Variants in SUPT3H observed in about 807,000 individuals in gnomAD.
SUPT3H encodes the protein transcription initiation protein SPT3 homolog.
In SUPT3H, 44 loss-of-function variants were observed where a neutral mutation model predicts 44.3. The observed-to-expected ratio is 0.99, with a 90% CI of 0.78 to 1.28. SUPT3H has a LOEUF of 1.28. Among genes scored for constraint, SUPT3H ranks in the 50% most tolerant of loss-of-function variants. SUPT3H has a pLI of 0.00. For synonymous variants in SUPT3H, 124 were observed against 125.6 expected, an observed-to-expected ratio of 0.99 and a Z score of 0.09; for missense variants, 380 against 387.1, an observed-to-expected ratio of 0.98 and a Z score of 0.15.
intron 2 of SUPT3H, among the ~76,000 whole-genome samples, chr6:45,143,961 T>A (rs963256384): frequency 2.2e-4 from 34 of 152,090 alleles, no homozygotes; most frequent in African/African-American, 7.9e-4. Context: ...CGGAAAAATT[T>A]CTAGAAATTT....
chr6:45,285,335 T>C (rs1779027552), intron 2 of SUPT3H, among the ~76,000 whole-genome samples: 1 of 152,210 alleles, frequency 6.6e-6, no homozygotes, highest in African/African-American at 2.4e-5. Flanking sequence ...ATTGTATATC[T>C]AGAAAACCCC....
chr6:44,879,732 C>A (rs1777909300), intron 10 of SUPT3H, among the ~76,000 whole-genome samples: 1 of 152,186 alleles, frequency 6.6e-6, no homozygotes, highest in African/African-American at 2.4e-5. Context: ...GAGGAAGGAA[C>A]AGGCAGCAAT....
intron 2 of SUPT3H, among the ~76,000 whole-genome samples, chr6:45,338,918 T>C (rs968912936): frequency 3.3e-5 from 5 of 152,136 alleles, no homozygotes; most frequent in Non-Finnish European, 7.4e-5. Flanking sequence ...CTCATACAAA[T>C]TCTAGTCCTG....
At chr6:44,821,856 A>G (rs1469697740), downstream of SUPT3H, among the ~76,000 whole-genome samples, 2 of 152,198 alleles carry the variant, frequency 1.3e-5, no homozygotes, top group Non-Finnish European at 2.9e-5. Context: ...ATTATGATAA[A>G]GTACAGAAAG....
chr6:44,985,118 T>G (rs1392219797), intron 6 of SUPT3H, among the ~76,000 whole-genome samples: 1 of 150,948 alleles, frequency 6.6e-6, no homozygotes, highest in African/African-American at 2.4e-5. Context: ...ATGGAAAGAC[T>G]GCTTGAGGCC....
intron 9 of SUPT3H, among the ~76,000 whole-genome samples, chr6:44,946,709 A>G (rs1045057326): frequency 1.7e-4 from 26 of 152,314 alleles, no homozygotes; most frequent in Middle Eastern, 3.4e-3. Context: ...GAAGATGTCT[A>G]TATCTGTTGA....
chr6:45,335,430 A>G (rs2150105660), intron 2 of SUPT3H, among the ~76,000 whole-genome samples: 1 of 151,416 alleles, frequency 6.6e-6, no homozygotes, highest in Middle Eastern at 3.4e-3. Flanking sequence ...ATCCATGTGT[A>G]TCAAAAAGGT....
At chr6:44,919,602 T>TA (rs1388787603) in intron 10 of SUPT3H, among the ~76,000 whole-genome samples, 2 of 152,172 alleles carry the variant, frequency 1.3e-5, no homozygotes, top group Non-Finnish European at 2.9e-5. Flanking sequence ...GCATTGAATT[T>TA]AGTCTCGAGA....
At chr6:44,975,297 A>G (rs575514851) in intron 6 of SUPT3H, among the ~76,000 whole-genome samples, 157 of 152,368 alleles carry the variant, frequency 1.0e-3, no homozygotes, top group African/African-American at 3.5e-3. Context: ...ATAGAAAACC[A>G]TAAGTATTCT....
At chr6:44,924,990 T>C (rs964882543) in intron 10 of SUPT3H, among the ~76,000 whole-genome samples, 1 of 152,186 alleles carries the variant, frequency 6.6e-6, no homozygotes, top group African/African-American at 2.4e-5. Flanking sequence ...ATGACATAAA[T>C]ATTTGCAAAT....
chr6:45,107,274 T>G (rs1409977736), intron 2 of SUPT3H, among the ~76,000 whole-genome samples: 2 of 152,122 alleles, frequency 1.3e-5, no homozygotes, highest in Non-Finnish European at 2.9e-5. Flanking sequence ...CCTTCAAAAT[T>G]TATTCTGAAG....
chr6:45,015,795 GCGCACA>G (rs1215856070), intron 4 of SUPT3H, among the ~76,000 whole-genome samples: 10 of 149,540 alleles, frequency 6.7e-5, no homozygotes, highest in South Asian at 2.1e-4. Flanking sequence ...ACACACGCGC[GCGCACA>G]CACACACACA....
chr6:45,290,999 A>G (rs867309036), intron 2 of SUPT3H, among the ~76,000 whole-genome samples: 25 of 152,194 alleles, frequency 1.6e-4, no homozygotes, highest in Admixed American at 1.3e-4. Flanking sequence ...GGAATAAATC[A>G]GGAAACCTGA....
chr6:45,095,306 A>G lies in SUPT3H; in HGVS notation c.186+10616T>C, dbSNP rs1797649080. 6.6e-6 allele frequency among the ~76,000 whole-genome samples: 1 copy of G among 152,122 alleles called. No homozygotes were observed. Reference sequence around the variant, plus strand: ...ATTCTACATAGGAAACTTTATTACTATTTTAAAACACACCCATAAAACATT... The same window carrying G: ...ATTCTACATAGGAAACTTTATTACTGTTTTAAAACACACCCATAAAACATT... On this transcript the variant is annotated intron_variant, in intron 3 of 10. Transcript: ENST00000371459. This position sits in a 1 kb window ranked among gnomAD's most constrained non-coding sequence, Gnocchi z 4.1.
Position 45,190,292 on chromosome 6 carries a change from G to T in SUPT3H, c.102-84286C>A, listed in dbSNP as rs1814913975. 2.6e-5 allele frequency among the ~76,000 whole-genome samples: 4 copies of T among 152,174 alleles called. No individual in the cohort carries two copies. The South Asian group carries it at 8.3e-4, about 32-fold the overall frequency. ...AAAGATTCAAATTCCATGAAATACA[G>T]TTTGAGAAATAGTATTTTAACTGCA... On this transcript the variant is annotated intron_variant, in intron 2 of 10. Transcript: ENST00000371459.
intron 2 of SUPT3H, among the ~76,000 whole-genome samples, chr6:45,260,980 T>C (rs1774265498): frequency 1.3e-5 from 2 of 152,012 alleles, no homozygotes; most frequent in Admixed American, 1.3e-4. Context: ...AGTATACTAC[T>C]TGCACACCAC....
intron 2 of SUPT3H, among the ~76,000 whole-genome samples, chr6:45,360,312 C>G (rs1214089999): frequency 6.6e-6 from 1 of 152,146 alleles, no homozygotes; most frequent in Non-Finnish European, 1.5e-5. Context: ...TGGAAGTACT[C>G]AAGAGAGTGC....
intron 6 of SUPT3H, among the ~76,000 whole-genome samples, chr6:45,001,189 A>C (rs1425389921): frequency 6.6e-6 from 1 of 151,992 alleles, no homozygotes; most frequent in Non-Finnish European, 1.5e-5. Flanking sequence ...TTATTTTAGG[A>C]TGGAGGTGGG....
At chr6:45,088,747 T>A (rs186260206) in intron 3 of SUPT3H, among the ~76,000 whole-genome samples, 1 of 152,100 alleles carries the variant, frequency 6.6e-6, no homozygotes, top group Non-Finnish European at 1.5e-5. Context: ...TTAGTACATA[T>A]AAATGTACTA....
Sources: gnomAD v4.1 joint callset for allele counts (sites outside exome capture counted in the v4.1 genomes callset) on GRCh38, gnomAD v4.1.1 for gene constraint, Gnocchi (gnomAD v3.1) non-coding constraint, MANE v1.5 for transcripts, NCBI Gene and HGNC (gene_info 2026-07-23, HGNC 2026-07-21) for gene names.